LRCH1: variants seen among roughly 807,000 people sequenced by gnomAD.
LRCH1 encodes leucine rich repeats and calponin homology domain containing 1, also known as leucine-rich repeat and calponin homology domain-containing protein 1.
A neutral mutation model predicts 94.9 loss-of-function variants in LRCH1; 23 were observed. The observed-to-expected ratio is 0.24, with a 90% CI of 0.17 to 0.34. LRCH1 has a LOEUF of 0.34. Among genes scored for constraint, LRCH1 ranks in the 10% least tolerant of loss-of-function variants. LRCH1 has a pLI of 1.00. For missense variants in LRCH1, 790 were observed against 945.9 expected, an observed-to-expected ratio of 0.84 and a Z score of 2.16; for synonymous variants, 364 against 354.9, an observed-to-expected ratio of 1.03 and a Z score of -0.29.
intron 1 of LRCH1, among the ~76,000 whole-genome samples, chr13:46,558,070 A>G (rs2050086271): frequency 1.3e-5 from 2 of 152,180 alleles, no homozygotes; most frequent in East Asian, 3.9e-4. Flanking sequence ...CAAAACAAAG[A>G]CTATGTGGGA....
chr13:46,687,025 C>T (rs1238361231), intron 5 of LRCH1, among the ~76,000 whole-genome samples: 1 of 120,154 alleles, frequency 8.3e-6, no homozygotes, highest in Non-Finnish European at 1.6e-5. Flanking sequence ...GAGGTGTGAT[C>T]TTGGCTTACT....
rs192643059 is a variant in LRCH1, at chr13:46,613,246, C to T, written c.308-36955C>T. Among the ~76,000 whole-genome samples, 752 of 151,964 alleles carry T rather than the reference C, an allele frequency of 4.9e-3. 14 individuals are homozygous for T. The highest frequency in any genetic ancestry group is 4.0e-3 in the Non-Finnish European group (269 of 67,954). ...CTCTACTAAAAAGACAAAAATTAGC[C>T]GAGCGTGGTGGCACGTGCCTGTAGT... On this transcript the variant is annotated intron_variant, in intron 1 of 19. Coordinates refer to ENST00000389797, the MANE Select transcript of LRCH1 (RefSeq NM_001164211.2).
chr13:46,557,307 A>G (rs903165887), intron 1 of LRCH1, among the ~76,000 whole-genome samples: 1 of 151,986 alleles, frequency 6.6e-6, no homozygotes, highest in Non-Finnish European at 1.5e-5. Flanking sequence ...TCTAGAAAAT[A>G]AAAAAGAAGC....
intron 2 of LRCH1, among the ~76,000 whole-genome samples, chr13:46,664,071 G>A (rs2051483550): frequency 6.6e-6 from 1 of 152,176 alleles, no homozygotes; most frequent in African/African-American, 2.4e-5. Flanking sequence ...ATTGGAATTA[G>A]GTACATGGTT....
chr13:46,669,259 C>T lies in LRCH1; in HGVS notation c.579+103C>T, dbSNP rs558640055. 93 of 1,405,534 alleles carry T rather than the reference C, an allele frequency of 6.6e-5. No individual in the cohort carries two copies. In the African/African-American group the frequency reaches 8.2e-4, roughly 12 times the overall value. The allele number at this position is 1,405,534 out of a possible 1,614,324, so 87.1% of individuals were successfully genotyped here. A position where few individuals can be genotyped will look rare whatever the true frequency, so the allele number is the denominator to read the frequency against. On this transcript the variant is annotated intron_variant, in intron 3 of 19. Transcript: ENST00000389797. ...TTGCTACGGTTGGACAAGGTAGAGCCTCTGTTGTTTGAGGGCAGGTATATG... is the reference window on the plus strand; with the variant it reads ...TTGCTACGGTTGGACAAGGTAGAGCTTCTGTTGTTTGAGGGCAGGTATATG...
chr13:46,634,483 A>G (rs1292491136), intron 1 of LRCH1, among the ~76,000 whole-genome samples: 1 of 152,186 alleles, frequency 6.6e-6, no homozygotes, highest in Admixed American at 6.5e-5. Context: ...CAGTTCTCAA[A>G]GAGCTATTCT....
intron 8 of LRCH1, among the ~76,000 whole-genome samples, chr13:46,694,283 AG>A (rs1871061701): frequency 6.6e-6 from 1 of 152,158 alleles, no homozygotes; most frequent in African/African-American, 2.4e-5. Context: ...AGAGTTCTGC[AG>A]GGTGTTCCTT....
At chr13:46,747,575 C>T (rs1873959508), downstream of LRCH1, among the ~76,000 whole-genome samples, 1 of 152,240 alleles carries the variant, frequency 6.6e-6, no homozygotes, top group African/African-American at 2.4e-5. Flanking sequence ...CTAGACTACA[C>T]ATAACTAAAC....
chr13:46,633,973 G>A (rs1322773430), intron 1 of LRCH1, among the ~76,000 whole-genome samples: 1 of 149,776 alleles, frequency 6.7e-6, no homozygotes, highest in Non-Finnish European at 1.5e-5. Flanking sequence ...TCCATCTCCC[G>A]GGTTCAAGCG....
At chr13:46,720,284 G>C (rs971939525) in intron 16 of LRCH1, among the ~76,000 whole-genome samples, 2 of 152,016 alleles carry the variant, frequency 1.3e-5, no homozygotes, top group Non-Finnish European at 2.9e-5. Context: ...CTACTCAGGA[G>C]GCTGAGATGG....
intron 1 of LRCH1, among the ~76,000 whole-genome samples, chr13:46,571,951 T>G (rs552012767): frequency 6.6e-6 from 1 of 152,180 alleles, no homozygotes; most frequent in Admixed American, 6.5e-5. Flanking sequence ...AGTGGCTGTT[T>G]TTTTGAACGG....
At chr13:46,597,942 G>A (rs1245017598) in intron 1 of LRCH1, among the ~76,000 whole-genome samples, 2 of 152,124 alleles carry the variant, frequency 1.3e-5, no homozygotes, top group Admixed American at 6.5e-5. Flanking sequence ...CTATGGCGGT[G>A]TTCAAGGCAA....
At chr13:46,632,679 G>C (rs4942559) in intron 1 of LRCH1, among the ~76,000 whole-genome samples, 127,426 of 152,148 alleles carry the variant, frequency 0.84, 53,919 homozygotes, top group African/African-American at 0.96. Context: ...CTTTTCAGAG[G>C]TTTTGAGAAA....
chr13:46,733,672 A>G (rs1025868382), intron 18 of LRCH1, among the ~76,000 whole-genome samples: 1 of 152,122 alleles, frequency 6.6e-6, no homozygotes, highest in Non-Finnish European at 1.5e-5. Context: ...ATAGGCATAT[A>G]TGTATATCTA....
intron 1 of LRCH1, among the ~76,000 whole-genome samples, chr13:46,566,034 G>A (rs1257947837): frequency 6.6e-6 from 1 of 151,912 alleles, no homozygotes; most frequent in Non-Finnish European, 1.5e-5. Context: ...GGGTGAGGAA[G>A]TGGTGGCTGG....
At chr13:46,582,761 A>G (rs772957543) in intron 1 of LRCH1, among the ~76,000 whole-genome samples, 147 of 147,794 alleles carry the variant, frequency 9.9e-4, no homozygotes, top group Non-Finnish European at 1.8e-3. Flanking sequence ...TCGGCCTCCC[A>G]GAGTGCTGGG....
chr13:46,715,995 G>T (rs539087380), intron 16 of LRCH1, among the ~76,000 whole-genome samples: 3 of 152,042 alleles, frequency 2.0e-5, no homozygotes, highest in South Asian at 4.1e-4. Flanking sequence ...ATCTCCGCTT[G>T]TTCCTGCATC....
At chr13:46,584,997 G>T (rs867332921) in intron 1 of LRCH1, among the ~76,000 whole-genome samples, 21 of 152,130 alleles carry the variant, frequency 1.4e-4, no homozygotes, top group African/African-American at 4.8e-4. Flanking sequence ...AAAGAGCAGA[G>T]AATTCTCAAC....
At chr13:46,583,651 A>G (rs1217414033) in intron 1 of LRCH1, among the ~76,000 whole-genome samples, 1 of 152,220 alleles carries the variant, frequency 6.6e-6, no homozygotes, top group African/African-American at 2.4e-5. Context: ...TCTGTTTCCT[A>G]GAGTAAATGT....
Sources: gnomAD v4.1 joint callset for allele counts (sites outside exome capture counted in the v4.1 genomes callset) on GRCh38, gnomAD v4.1.1 for gene constraint, MANE v1.5 for transcripts, NCBI Gene and HGNC (gene_info 2026-07-23, HGNC 2026-07-21) for gene names.